PLAA: variants seen among roughly 807,000 people sequenced by gnomAD.
PLAA encodes the protein phospholipase A-2-activating protein.
Under a neutral mutation model 84.1 loss-of-function variants are expected in PLAA, and 48 were observed. The ratio of observed to expected loss-of-function variants is 0.57; its 90% confidence interval spans 0.45 to 0.73. The LOEUF (loss-of-function observed/expected upper bound fraction) is 0.73, where lower values mean the gene tolerates loss of function less well. Ranked by LOEUF, PLAA falls within the 30% of genes least tolerant of loss-of-function variation. The pLI, the probability that PLAA is intolerant of heterozygous loss-of-function variation, is 0.00. For synonymous variants in PLAA, 392 were observed against 336.6 expected (o/e 1.16, Z -1.80); for missense variants, 903 against 954.7 (o/e 0.95, Z 0.71).
chr9:26,928,058 A>G, intron 4 of PLAA, 42 bp downstream of exon 4: 2 of 1,559,624 alleles, frequency 1.3e-6, no homozygotes, highest in Non-Finnish European at 1.7e-6. Flanking sequence ...CTGAGCAAAT[A>G]AAAAGCAATG....
At chr9:26,926,763 A>G (rs1049132377) in intron 4 of PLAA, among the ~76,000 whole-genome samples, 3 of 152,136 alleles carry the variant, frequency 2.0e-5, no homozygotes, top group African/African-American at 7.2e-5. Flanking sequence ...AGTCTTCAGA[A>G]GTTATTTTAC....
At chr9:26,942,253 G>C (rs1370284737) in intron 1 of PLAA, among the ~76,000 whole-genome samples, 1 of 152,152 alleles carries the variant, frequency 6.6e-6, no homozygotes, top group African/African-American at 2.4e-5. Context: ...AAAGCTAAAG[G>C]ATACTGACAA....
intron 11 of PLAA, among the ~76,000 whole-genome samples, chr9:26,912,814 GAGATTTGAATTTAGATTCTCACTCC>G (rs1375294737): frequency 1.3e-5 from 2 of 152,160 alleles, no homozygotes; most frequent in African/African-American, 2.4e-5. Flanking sequence ...TAGTAGAGCT[GAGATTTGAATTTAGATTCTCACTCC>G]AGAATCCATA....
chr9:26,946,638 C>G (rs796241500), intron 1 of PLAA, among the ~76,000 whole-genome samples: 3 of 152,150 alleles, frequency 2.0e-5, no homozygotes, highest in Admixed American at 2.0e-4. Flanking sequence ...AAACTGAAGG[C>G]CCAAAAGGTA....
intron 2 of PLAA, among the ~76,000 whole-genome samples, chr9:26,929,613 C>T (rs904337718): frequency 1.3e-5 from 2 of 152,130 alleles, no homozygotes; most frequent in African/African-American, 2.4e-5. Context: ...GTCTCTCTAC[C>T]CTGAGCTGAG....
chr9:26,921,608 A>G lies in PLAA; in HGVS notation c.1040-1224T>C, dbSNP rs527462110. ...AAAATGTGGATAGGCCAGAAATACT[A>G]GTTTTTTAAACGCTACAGTGTACAA... On this transcript the variant is annotated intron_variant, in intron 7 of 13. Transcript: ENST00000397292. Among the ~76,000 whole-genome samples, 19 of 152,356 alleles carry G rather than the reference A, an allele frequency of 1.2e-4. No individual in the cohort carries two copies. In the East Asian group the frequency reaches 3.3e-3, roughly 26 times the overall value.
At chr9:26,941,797 A>T (rs373603265) in intron 1 of PLAA, among the ~76,000 whole-genome samples, 1 of 152,264 alleles carries the variant, frequency 6.6e-6, no homozygotes, top group South Asian at 2.1e-4. Flanking sequence ...AGCAAGTTCA[A>T]TATCTGAATA....
In PLAA at chr9:26,904,831, T is replaced by C. The variant is rs890349813; in HGVS notation, c.*680A>G. The C allele has an allele frequency of 6.6e-6, 1 of 152,324 alleles. No individual in the cohort carries two copies. Among genetic ancestry groups the C allele is most frequent in the Non-Finnish European group, 1.5e-5 (1 of 68,002 alleles). 9.4% of individuals were successfully genotyped at this position (152,324 alleles called of 1,614,324 possible). A position where few individuals can be genotyped will look rare whatever the true frequency, so the allele number is the denominator to read the frequency against. ...TGAAAAATGAAGTTACCTCAAATAGTGAAGGGCAAAAGAAACTGGATCTAA... is the reference window on the plus strand; with the variant it reads ...TGAAAAATGAAGTTACCTCAAATAGCGAAGGGCAAAAGAAACTGGATCTAA... On this transcript the variant is annotated 3_prime_UTR_variant, in exon 14 of 14. Transcript: ENST00000397292.
intron 1 of PLAA, among the ~76,000 whole-genome samples, chr9:26,942,668 G>A (rs1825576210): frequency 6.6e-6 from 1 of 152,122 alleles, no homozygotes; most frequent in South Asian, 2.1e-4. Context: ...GGATCACGAG[G>A]TCAGGAGATC....
chr9:26,946,775 G>C lies in PLAA; in HGVS notation c.149+122C>G, dbSNP rs1403328817. On this transcript the variant is annotated intron_variant, in intron 1 of 13. Transcript: ENST00000397292. ...AATAGTCTGAGAATTGGAAGGGAGC[G>C]GAGAGCAGAGGGAAGGCTGGGGGGA... 4 of 1,112,618 alleles carry C rather than the reference G, an allele frequency of 3.6e-6. No homozygotes were observed. The East Asian group carries it at 1.1e-4, about 30-fold the overall frequency. The allele number at this position is 1,112,618 out of a possible 1,614,324, so 68.9% of individuals were successfully genotyped here.
chr9:26,925,907 A>G lies in PLAA; in HGVS notation c.787T>C (p.Cys263Arg), dbSNP rs1402873703. The G allele has an allele frequency of 2.5e-6, 4 of 1,613,590 alleles. No individual in the cohort carries two copies. Among genetic ancestry groups the G allele is most frequent in the Non-Finnish European group, 3.4e-6 (4 of 1,179,618 alleles). The part of the protein sequence containing the change: ...RSLRIWKHGE[C>R]AQTIRLPAQS... ...GCTGGAAGTCGGATAGTTTGAGCAC[A>G]TTCCCCATGTTTCCAGATTCTCAGA... Residue 263 changes from cysteine (C) to arginine (R), a missense_variant, in exon 6 of 14, where the codon TGT becomes CGT. Cys to Arg is a radical substitution (Grantham distance 180). Coordinates refer to ENST00000397292, the MANE Select transcript of PLAA (RefSeq NM_001031689.3).
intron 2 of PLAA, among the ~76,000 whole-genome samples, chr9:26,934,584 A>G (rs1013985078): frequency 6.9e-6 from 1 of 144,578 alleles, no homozygotes; most frequent in Non-Finnish European, 1.5e-5. Context: ...GGTTCTAGCC[A>G]TTCTCGTGCT....
In PLAA at chr9:26,946,992, C is replaced by A; in HGVS notation, c.54G>T (p.Glu18Asp). 1 of 1,594,980 alleles carries A rather than the reference C, an allele frequency of 6.3e-7. No homozygotes were observed. Among genetic ancestry groups the A allele is most frequent in the Non-Finnish European group, 8.5e-7 (1 of 1,171,530 alleles). The change falls in exon 1 of 14, where the codon GAG (glutamate) becomes GAT (aspartate). Residue 18 changes from glutamate (E) to aspartate (D), a missense_variant. Glu to Asp is a conservative substitution (Grantham distance 45). Transcript: ENST00000397292. ...YRLSCSLRGHELDVRGLVCCA... is the reference protein window; with the variant it reads ...YRLSCSLRGHDLDVRGLVCCA... The stretch of plus-strand genomic sequence containing the variant: ...AGCACACCAGGCCCCGTACGTCCAG[C>A]TCGTGGCCCCGGAGCGAGCAGCTCA...
intron 1 of PLAA, among the ~76,000 whole-genome samples, chr9:26,937,460 T>G (rs752570690): frequency 3.3e-5 from 5 of 152,106 alleles, no homozygotes; most frequent in Non-Finnish European, 7.4e-5. Flanking sequence ...TATTATTAGA[T>G]TAAATGTTCA....
rs1009425289 is a variant in PLAA, at chr9:26,919,234, T to C, written c.1417+76A>G. 4.8e-6 allele frequency: 4 copies of C among 837,116 alleles called. No individual in the cohort carries two copies. In the African/African-American group the frequency reaches 6.8e-5, roughly 14 times the overall value. The allele number at this position is 837,116 out of a possible 1,614,324, so 51.9% of individuals were successfully genotyped here. ...GTATTTATTGAAAAAGCTAATCACATGACTATTTGAAAACATCAAAAAAAT... is the reference window on the plus strand; with the variant it reads ...GTATTTATTGAAAAAGCTAATCACACGACTATTTGAAAACATCAAAAAAAT... On this transcript the variant is annotated intron_variant, in intron 9 of 13. Coordinates refer to ENST00000397292, the MANE Select transcript of PLAA (RefSeq NM_001031689.3).
At chr9:26,924,259 C>A (rs1363072803) in intron 6 of PLAA, among the ~76,000 whole-genome samples, 3 of 151,968 alleles carry the variant, frequency 2.0e-5, no homozygotes, top group African/African-American at 7.3e-5. Flanking sequence ...GTCTCCTGAG[C>A]AGCTGGGACT....
chr9:26,939,667 T>A (rs1472122155), intron 1 of PLAA, among the ~76,000 whole-genome samples: 2 of 151,900 alleles, frequency 1.3e-5, no homozygotes, highest in Non-Finnish European at 1.5e-5. Flanking sequence ...TCACTTTAGA[T>A]CCAAAGACAC....
chr9:26,907,266 C>T (rs999429290), intron 13 of PLAA, among the ~76,000 whole-genome samples: 3 of 151,958 alleles, frequency 2.0e-5, no homozygotes, highest in Non-Finnish European at 2.9e-5. Flanking sequence ...CATGCCCGGG[C>T]GCGGTGGCTC....
At position 26,920,416 on chromosome 9, in the gene PLAA, G is replaced by A. The variant is rs762532842; in HGVS notation, c.1040-32C>T. The stretch of plus-strand genomic sequence containing the variant: ...ATAAAAATTTTAAGAATCAAAGGTA[G>A]AATGGCAATGTAAAATTGAAAAACA... On this transcript the variant is annotated intron_variant, in intron 7 of 13. Coordinates refer to ENST00000397292, the MANE Select transcript of PLAA (RefSeq NM_001031689.3). 8.4e-6 allele frequency: 12 copies of A among 1,428,072 alleles called. No individual in the cohort carries two copies. The South Asian group carries it at 1.7e-4, about 20-fold the overall frequency. The allele number at this position is 1,428,072 out of a possible 1,614,324, so 88.5% of individuals were successfully genotyped here.
Sources: allele counts gnomAD v4.1 joint callset (sites outside exome capture counted in the v4.1 genomes callset), GRCh38; gene constraint gnomAD v4.1.1; transcripts MANE v1.5; gene names NCBI Gene and HGNC (gene_info 2026-07-23, HGNC 2026-07-21).